Variants in SLC25A26 observed in about 807,000 individuals in gnomAD.
The protein encoded by SLC25A26 is solute carrier family 25 member 26.
SLC25A26 carries 36 observed loss-of-function variants against 37.8 expected under a neutral mutation model. That is an observed-to-expected ratio of 0.95 (90% CI 0.73 to 1.26). SLC25A26 has a LOEUF of 1.26. SLC25A26 is among the 50% of genes most tolerant of loss of function. The probability of loss-of-function intolerance (pLI) is 0.00; values close to 1 mark genes in which losing one functional copy is unlikely to be tolerated. For synonymous variants in SLC25A26, 129 were observed against 122.5 expected (o/e 1.05, Z -0.35); for missense variants, 390 against 331.1 (o/e 1.18, Z -1.38).
At chr3:66,162,948 G>A (rs2070380411) in intron 1 of SLC25A26, among the ~76,000 whole-genome samples, 1 of 152,212 alleles carries the variant, frequency 6.6e-6, no homozygotes, top group Non-Finnish European at 1.5e-5. Flanking sequence ...CACAGAGCGA[G>A]CAAAGGGTCA....
chr3:66,248,781 C>T, intron 3 of SLC25A26, among the ~76,000 whole-genome samples: 1 of 152,188 alleles, frequency 6.6e-6, no homozygotes, highest in Non-Finnish European at 1.5e-5. Flanking sequence ...GTTTTTCTGA[C>T]AGCCTCTAAC....
chr3:66,320,050 A>G lies in SLC25A26; in HGVS notation c.454-26314A>G, dbSNP rs138931733. On this transcript the variant is annotated intron_variant, in intron 5 of 9. Coordinates refer to ENST00000354883, the MANE Select transcript of SLC25A26 (RefSeq NM_001379210.1). The stretch of plus-strand genomic sequence containing the variant: ...TAATCTTTAGTGGGCTTTTAGACAA[A>G]TAATTGAGACTAAACTTTGAATTAA... 4.6e-5 allele frequency among the ~76,000 whole-genome samples: 7 copies of G among 152,272 alleles called. No homozygotes were observed. In the East Asian group the frequency reaches 1.2e-3, roughly 25 times the overall value.
At chr3:66,367,331 T>G (rs930428165) in intron 7 of SLC25A26, among the ~76,000 whole-genome samples, 5 of 152,148 alleles carry the variant, frequency 3.3e-5, no homozygotes, top group Non-Finnish European at 5.9e-5. Flanking sequence ...CAGTACAGGC[T>G]TTAGATCCCG....
At chr3:66,320,958 CATTGAAGTTCCAA>C (rs1271914597) in intron 5 of SLC25A26, among the ~76,000 whole-genome samples, 1 of 152,108 alleles carries the variant, frequency 6.6e-6, no homozygotes, top group Non-Finnish European at 1.5e-5. Context: ...AAAATTCTTA[CATTGAAGTTCCAA>C]CTTTCAAGAT....
At position 66,378,173 on chromosome 3, in the gene SLC25A26, A is replaced by C; in HGVS notation, c.*366A>C. On this transcript the variant is annotated 3_prime_UTR_variant, in exon 10 of 10. Transcript: ENST00000354883. ...ATTCAGCAGAAGGCAAGATGGTTAT[A>C]ATTCTAAAAGAATAGCTTGTTTGTT... 6.1e-6 allele frequency: 1 copy of C among 164,002 alleles called. No homozygotes were observed. The highest frequency in any genetic ancestry group is 1.3e-5 in the Non-Finnish European group (1 of 78,140). 10.2% of individuals were successfully genotyped at this position (164,002 alleles called of 1,614,324 possible).
At chr3:66,146,133 A>G (rs1355348011) in intron 1 of SLC25A26, among the ~76,000 whole-genome samples, 1 of 152,136 alleles carries the variant, frequency 6.6e-6, no homozygotes, top group Non-Finnish European at 1.5e-5. Flanking sequence ...TGAGGTCAGG[A>G]GTTCAAGACC....
intron 6 of SLC25A26, among the ~76,000 whole-genome samples, chr3:66,354,556 C>G (rs143656822): frequency 6.6e-6 from 1 of 152,126 alleles, no homozygotes; most frequent in Non-Finnish European, 1.5e-5. Context: ...GAATAAATAG[C>G]ATTTTTTCTT....
chr3:66,209,897 T>TA lies in SLC25A26; in HGVS notation c.-353-10845_-353-10844insA, dbSNP rs1491157842. On this transcript the variant is annotated intron_variant, in intron 1 of 10. Coordinates refer to the SLC25A26 transcript ENST00000676754. The stretch of plus-strand genomic sequence containing the variant: ...ATATACTCCTCTCTCTCTCTCTCTA[T>TA]TTATATATATATATATATATATATA... 9.7e-3 allele frequency among the ~76,000 whole-genome samples: 372 copies of TA among 38,216 alleles called. 18 individuals are homozygous for TA. Among genetic ancestry groups the TA allele is most frequent in the African/African-American group, 0.023 (238 of 10,502 alleles). The allele number at this position is 38,216 out of a possible 152,430, so 25.1% of individuals were successfully genotyped here. A position where few individuals can be genotyped will look rare whatever the true frequency, so the allele number is the denominator to read the frequency against.
intron 5 of SLC25A26, among the ~76,000 whole-genome samples, chr3:66,298,680 A>C (rs2074980846): frequency 6.6e-6 from 1 of 152,206 alleles, no homozygotes; most frequent in South Asian, 2.1e-4. Flanking sequence ...CAGTGCTAAA[A>C]GCTGCTAGAA....
chr3:66,282,705 T>G (rs1159508823), intron 5 of SLC25A26, among the ~76,000 whole-genome samples: 1 of 152,248 alleles, frequency 6.6e-6, no homozygotes, highest in African/African-American at 2.4e-5. Context: ...ATGATTTATT[T>G]TAAGAATTAT....
At chr3:66,293,550 C>T (rs1407670695) in intron 5 of SLC25A26, among the ~76,000 whole-genome samples, 2 of 151,716 alleles carry the variant, frequency 1.3e-5, no homozygotes, top group Non-Finnish European at 2.9e-5. Flanking sequence ...CAGCCTCCAC[C>T]GTCCGATAGG....
chr3:66,178,245 A>T (rs568231309), intron 1 of SLC25A26, among the ~76,000 whole-genome samples: 1 of 152,312 alleles, frequency 6.6e-6, no homozygotes, highest in South Asian at 2.1e-4. Flanking sequence ...ACTGAGCCCC[A>T]GGGAAGTGTG....
At chr3:66,249,412 G>A (rs1476621431) in intron 3 of SLC25A26, among the ~76,000 whole-genome samples, 3 of 152,324 alleles carry the variant, frequency 2.0e-5, no homozygotes, top group East Asian at 3.9e-4. Context: ...AGGATTGGAC[G>A]CATAGATGCT....
intron 1 of SLC25A26, among the ~76,000 whole-genome samples, chr3:66,192,184 T>C (rs879002807): frequency 0.56 from 84,859 of 151,196 alleles, 24,296 homozygotes; most frequent in East Asian, 0.76. Context: ...GGTGTGGTGG[T>C]GGGTGCCTGT....
chr3:66,291,651 G>A (rs972580550), intron 5 of SLC25A26, among the ~76,000 whole-genome samples: 2 of 152,168 alleles, frequency 1.3e-5, no homozygotes, highest in Admixed American at 6.5e-5. Context: ...TAATTTGATT[G>A]CACTGTGATC....
At chr3:66,317,898 C>G (rs2075584352) in intron 5 of SLC25A26, among the ~76,000 whole-genome samples, 1 of 152,122 alleles carries the variant, frequency 6.6e-6, no homozygotes, top group Non-Finnish European at 1.5e-5. Flanking sequence ...AAGAACTGAC[C>G]CAGCCGCTGT....
chr3:66,179,336 G>C (rs1365552434), intron 1 of SLC25A26, among the ~76,000 whole-genome samples: 1 of 152,144 alleles, frequency 6.6e-6, no homozygotes, highest in Non-Finnish European at 1.5e-5. Flanking sequence ...GTGTTGATTT[G>C]AAATGCAACT....
At chr3:66,332,747 A>G (rs1023804112) in intron 5 of SLC25A26, among the ~76,000 whole-genome samples, 2 of 152,006 alleles carry the variant, frequency 1.3e-5, no homozygotes, top group African/African-American at 4.8e-5. Flanking sequence ...AGTGGAATAG[A>G]TACAGATACA....
chr3:66,312,992 G>T (rs2075426905), intron 5 of SLC25A26, among the ~76,000 whole-genome samples: 1 of 152,212 alleles, frequency 6.6e-6, no homozygotes, highest in East Asian at 1.9e-4. Flanking sequence ...TGTTTTTCAT[G>T]TAAATATAAG....
Sources: gnomAD v4.1 joint callset for allele counts (sites outside exome capture counted in the v4.1 genomes callset) on GRCh38, gnomAD v4.1.1 for gene constraint, MANE v1.5 for transcripts, NCBI Gene and HGNC (gene_info 2026-07-23, HGNC 2026-07-21) for gene names.